SLC17A9: variants seen among roughly 807,000 people sequenced by gnomAD.
SLC17A9 encodes the protein solute carrier family 17 member 9.
SLC17A9 carries 49 observed loss-of-function variants against 55.0 expected under a neutral mutation model. The observed-to-expected ratio is 0.89, with a 90% CI of 0.71 to 1.13. The LOEUF (loss-of-function observed/expected upper bound fraction) is 1.13, where lower values mean the gene tolerates loss of function less well. SLC17A9 is among the 50% of genes most tolerant of loss of function. The probability of loss-of-function intolerance (pLI) is 0.00; values close to 1 mark genes in which losing one functional copy is unlikely to be tolerated. For synonymous variants in SLC17A9, 256 were observed against 247.4 expected, an observed-to-expected ratio of 1.03 and a Z score of -0.32; for missense variants, 526 against 569.3, an observed-to-expected ratio of 0.92 and a Z score of 0.77.
At position 62,956,749 on chromosome 20, in the gene SLC17A9, A is replaced by G; in HGVS notation, c.60-16A>G. 1 of 1,607,596 alleles carries G rather than the reference A, an allele frequency of 6.2e-7. No homozygotes were observed. The highest frequency in any genetic ancestry group is 8.5e-7 in the Non-Finnish European group (1 of 1,178,200). On this transcript the variant is annotated splice_polypyrimidine_tract_variant and intron_variant, in intron 1 of 12. Coordinates refer to ENST00000370351, the MANE Select transcript of SLC17A9 (RefSeq NM_022082.4). Reference sequence around the variant, plus strand: ...CGTGGGGCCTCCCCAGGGCCTGACCATCTCCTGTCCCACAGGCCCGAGTGC... The same window carrying G: ...CGTGGGGCCTCCCCAGGGCCTGACCGTCTCCTGTCCCACAGGCCCGAGTGC...
chr20:62,956,158 G>A (rs546742868), intron 1 of SLC17A9, among the ~76,000 whole-genome samples: 17 of 152,140 alleles, frequency 1.1e-4, no homozygotes, highest in Non-Finnish European at 1.6e-4. Flanking sequence ...TGAGCTGGCC[G>A]GCCTGGCTCT....
At chr20:62,965,879 C>T (rs1254440162) in intron 10 of SLC17A9, among the ~76,000 whole-genome samples, 154 bp downstream of exon 10, 3 of 152,260 alleles carry the variant, frequency 2.0e-5, no homozygotes, top group Non-Finnish European at 4.4e-5. Context: ...ACTGAAGACC[C>T]AGTAGTTCTT....
intron 1 of SLC17A9, chr20:62,953,274 T>C (rs1001794844): frequency 8.3e-5 from 129 of 1,549,252 alleles, no homozygotes; most frequent in Non-Finnish European, 1.1e-4. Context: ...GGAGGCCAGG[T>C]AGGGGGCACG....
At chr20:62,952,992 T>A in intron 1 of SLC17A9, 103 bp downstream of exon 1, 1 of 1,331,588 alleles carries the variant, frequency 7.5e-7, no homozygotes, top group Non-Finnish European at 1.0e-6. Flanking sequence ...TGGGGAGGGC[T>A]GAGCTGGGCG....
Position 62,967,365 on chromosome 20 carries a change from C to T in SLC17A9, c.1176C>T (p.Tyr392=). 6.2e-7 allele frequency: 1 copy of T among 1,614,174 alleles called. No homozygotes were observed. The highest frequency in any genetic ancestry group is 8.5e-7 in the Non-Finnish European group (1 of 1,180,024). The change falls in exon 13 of 13, where the codon TAC becomes TAT. Residue 392 remains tyrosine (Y), a synonymous_variant. Transcript: ENST00000370351. ...TCGTGGGTGTGTGTCTAGGCGGCTACTTGATGGAGACCACGGGCTCCTGGA... is the reference window on the plus strand; with the variant it reads ...TCGTGGGTGTGTGTCTAGGCGGCTATTTGATGGAGACCACGGGCTCCTGGA... ...AGVVGVCLGG[Y]LMETTGSWTC...
At chr20:62,955,490 T>C (rs1295735141) in intron 1 of SLC17A9, among the ~76,000 whole-genome samples, 1 of 152,114 alleles carries the variant, frequency 6.6e-6, no homozygotes, top group Admixed American at 6.5e-5. Context: ...TTGTTTTTTT[T>C]TGTAGAGCTG....
Position 62,964,278 on chromosome 20 carries a change from A to G in SLC17A9, c.873A>G (p.Leu291=), listed in dbSNP as rs751947828. Residue 291 remains leucine, a synonymous_variant, in exon 8 of 13, where the codon CTA becomes CTG. Coordinates refer to ENST00000370351, the MANE Select transcript of SLC17A9 (RefSeq NM_022082.4). ...GGTTGGTGGCGATTCCGGCCAGTCT[A>G]TTCAGCGGGTTTCTCTCTGATCATC... ...VPWLVAIPAS[L]FSGFLSDHLI... 3.1e-6 allele frequency: 5 copies of G among 1,614,142 alleles called. No individual in the cohort carries two copies. Among genetic ancestry groups the G allele is most frequent in the South Asian group, 2.2e-5 (2 of 91,082 alleles).
Position 62,968,865 on chromosome 20 carries a change from A to G in SLC17A9, c.*1365A>G, listed in dbSNP as rs966434328. ...CAGCTGTCCACCCAGCTTTCCCAAG[A>G]TGTGGGGCCCCCATGGAGTCAGACA... On this transcript the variant is annotated 3_prime_UTR_variant, in exon 13 of 13. Coordinates refer to ENST00000370351, the MANE Select transcript of SLC17A9 (RefSeq NM_022082.4). The G allele has an allele frequency of 6.6e-6, 1 of 152,228 alleles. No individual in the cohort carries two copies. Among genetic ancestry groups the G allele is most frequent in the Non-Finnish European group, 1.5e-5 (1 of 68,036 alleles). The allele number at this position is 152,228 out of a possible 1,614,324, so 9.4% of individuals were successfully genotyped here. A position where few individuals can be genotyped will look rare whatever the true frequency, so the allele number is the denominator to read the frequency against.
At position 62,963,312 on chromosome 20, in the gene SLC17A9, C is replaced by T. The variant is rs201983911; in HGVS notation, c.668C>T (p.Pro223Leu). 56 of 1,613,754 alleles carry T rather than the reference C, an allele frequency of 3.5e-5. No homozygotes were observed. The highest frequency in any genetic ancestry group is 2.7e-4 in the African/African-American group (20 of 74,938). The change falls in exon 6 of 13, where the codon CCG becomes CTG. Residue 223 changes from proline (P) to leucine (L), a missense_variant. Coordinates refer to ENST00000370351, the MANE Select transcript of SLC17A9 (RefSeq NM_022082.4). ...LALGVLAQSR[P>L]VSRHNRVPWR... ...TTGGGTGTCCTGGCCCAAAGCCGGC[C>T]GGTGTCCAGGCACAACAGAGTCCCC...
Position 62,963,356 on chromosome 20 carries a change from A to C in SLC17A9, c.712A>C (p.Lys238Gln), listed in dbSNP as rs2065605689. ...AGTCCCCTGGAGACGGCTCTTCCGG[A>C]AGCCTGCTGTCTGGTGAGCTGGGAC... is the stretch of plus-strand genomic sequence containing the variant. ...NRVPWRRLFRKPAVWAAVVSQ... is the reference protein window; with the variant it reads ...NRVPWRRLFRQPAVWAAVVSQ... Residue 238 changes from lysine (K) to glutamine (Q), a missense_variant, in exon 6 of 13, where the codon AAG (lysine) becomes CAG (glutamine). Physicochemically the swap from Lys to Gln is moderately conservative, Grantham distance 53 (BLOSUM62 1). Transcript: ENST00000370351. 1 of 1,613,366 alleles carries C rather than the reference A, an allele frequency of 6.2e-7. No individual in the cohort carries two copies.
Position 62,964,221 on chromosome 20 carries a change from C to T in SLC17A9, c.823-7C>T, listed in dbSNP as rs200734758. ...GGCCCCCTCTAAGGCCAAACTCCCC[C>T]CTGCAGGGCTGGATCTTCAACGTGG... On this transcript the variant is annotated splice_polypyrimidine_tract_variant and splice_region_variant and intron_variant, in intron 7 of 12. Transcript: ENST00000370351. 7.8e-5 allele frequency: 126 copies of T among 1,614,028 alleles called. No individual in the cohort carries two copies. The African/African-American group carries it at 1.4e-3, about 18-fold the overall frequency.
At chr20:62,956,692 G>A in intron 1 of SLC17A9, 73 bp from the exon 2 acceptor site, 1 of 1,404,264 alleles carries the variant, frequency 7.1e-7, no homozygotes, top group Non-Finnish European at 9.7e-7. Flanking sequence ...CCTGAGGGAG[G>A]TCTCTGAGTG....
chr20:62,965,623 G>A lies in SLC17A9; in HGVS notation c.959G>A (p.Gly320Asp). The change falls in exon 10 of 13, where the codon GGC (glycine) becomes GAC (aspartate). Residue 320 changes from glycine to aspartate, a missense_variant. Coordinates refer to ENST00000370351, the MANE Select transcript of SLC17A9 (RefSeq NM_022082.4). ...GCTTTCCTGCAGGGCATGGGCCTTG[G>A]CCTCTCCAGCGTCTTTGCTCTGTGC... ...VRKLMQGMGL[G>D]LSSVFALCLG... 1 of 1,613,168 alleles carries A rather than the reference G, an allele frequency of 6.2e-7. No homozygotes were observed. Among genetic ancestry groups the A allele is most frequent in the Non-Finnish European group, 8.5e-7 (1 of 1,180,002 alleles).
chr20:62,956,053 G>C (rs1190555687), intron 1 of SLC17A9, among the ~76,000 whole-genome samples: 3 of 152,244 alleles, frequency 2.0e-5, no homozygotes, highest in African/African-American at 7.2e-5. Flanking sequence ...CTCTGGCAGA[G>C]CAGGAGGTGT....
intron 4 of SLC17A9, among the ~76,000 whole-genome samples, chr20:62,961,819 C>A (rs1601093456): frequency 6.6e-6 from 1 of 152,192 alleles, no homozygotes; most frequent in South Asian, 2.1e-4. Flanking sequence ...AGGTGGGGAG[C>A]AGAGACAGGG....
rs565689742 is a variant in SLC17A9, at chr20:62,954,961, TC to T, written c.60-1797del. On this transcript the variant is annotated intron_variant, in intron 1 of 12. Coordinates refer to ENST00000370351, the MANE Select transcript of SLC17A9 (RefSeq NM_022082.4). ...GCCACCTGGACACAGGTCCCCCACCTCCCCCCCTTTCTTTTTCAAGACAGAG... is the reference window on the plus strand; with the variant it reads ...GCCACCTGGACACAGGTCCCCCACCTCCCCCCTTTCTTTTTCAAGACAGAG... Among the ~76,000 whole-genome samples, 1,009 of 151,262 alleles carry T rather than the reference TC, an allele frequency of 6.7e-3. 2 individuals are homozygous for T. Among genetic ancestry groups the T allele is most frequent in the Middle Eastern group, 0.017 (5 of 294 alleles).
chr20:62,963,820 G>T, intron 7 of SLC17A9, 140 bp downstream of exon 7: 2 of 782,316 alleles, frequency 2.6e-6, no homozygotes, highest in Non-Finnish European at 2.0e-6. Flanking sequence ...GCACTGCCAG[G>T]CTCTTCCTCT....
intron 1 of SLC17A9, among the ~76,000 whole-genome samples, chr20:62,954,966 C>T (rs944113340): frequency 2.6e-5 from 4 of 152,126 alleles, no homozygotes; most frequent in Non-Finnish European, 5.9e-5. Context: ...CCACCTCCCC[C>T]CCTTTCTTTT....
At chr20:62,954,074 CCG>C (rs2065514530) in intron 1 of SLC17A9, among the ~76,000 whole-genome samples, 1 of 131,954 alleles carries the variant, frequency 7.6e-6, no homozygotes, top group Non-Finnish European at 1.6e-5. Flanking sequence ...GGAGCCCTTG[CCG>C]CAGCCTTCAC....
Sources: gnomAD v4.1 joint callset for allele counts (sites outside exome capture counted in the v4.1 genomes callset) on GRCh38, gnomAD v4.1.1 for gene constraint, MANE v1.5 for transcripts, NCBI Gene and HGNC (gene_info 2026-07-23, HGNC 2026-07-21) for gene names.